The following PDE1A variants were observed in gnomAD, a reference collection of about 807,000 sequenced individuals.
PDE1A encodes the protein dual specificity calcium/calmodulin-dependent 3',5'-cyclic nucleotide phosphodiesterase 1A.
A neutral mutation model predicts 61.7 loss-of-function variants in PDE1A; 35 were observed. That is an observed-to-expected ratio of 0.57 (90% CI 0.43 to 0.75). The LOEUF (loss-of-function observed/expected upper bound fraction) is 0.75. Among genes scored for constraint, PDE1A ranks in the 30% least tolerant of loss-of-function variants. The pLI is 0.00. For missense variants in PDE1A, 597 were observed against 630.6 expected, an observed-to-expected ratio of 0.95 and a Z score of 0.57; for synonymous variants, 232 against 213.2, an observed-to-expected ratio of 1.09 and a Z score of -0.77.
the PDE1A span, among the ~76,000 whole-genome samples, chr2:182,551,578 A>G: frequency 2.6e-5 from 4 of 152,204 alleles, no homozygotes; most frequent in African/African-American, 7.2e-5. Context: ...CCACCACTTC[A>G]GAGGGCTGCA....
In PDE1A at chr2:182,147,825, G is replaced by A. The variant is rs183760134; in HGVS notation, c.1517-673C>T. 2.4e-3 allele frequency among the ~76,000 whole-genome samples: 359 copies of A among 152,286 alleles called. 1 individual carries two copies. Among genetic ancestry groups the A allele is most frequent in the Middle Eastern group, 6.8e-3 (2 of 292 alleles). On this transcript the variant is annotated intron_variant, in intron 13 of 13. Transcript: ENST00000409365. Reference sequence around the variant, plus strand: ...GTCAATTACTTGAAATATCTTGAGAGTTCAGGAAATAGTCATATACAATGA... The same window carrying A: ...GTCAATTACTTGAAATATCTTGAGAATTCAGGAAATAGTCATATACAATGA...
rs549513954 is a variant in PDE1A, at chr2:182,193,515, T to C, written c.1126-4455A>G. Among the ~76,000 whole-genome samples the C allele has an allele frequency of 7.2e-5, 11 of 152,126 alleles. No individual in the cohort carries two copies. The South Asian group carries it at 1.9e-3, about 26-fold the overall frequency. ...GAAATCTGAGAGACCACTGGTTCTA[T>C]AGAGAATTTGATTGGGAGAGGAGAG... is the stretch of plus-strand genomic sequence containing the variant. On this transcript the variant is annotated intron_variant, in intron 10 of 13. Coordinates refer to ENST00000351439, the Ensembl canonical transcript of PDE1A.
At chr2:182,479,325 T>C (rs138451243) in intron 2 of PDE1A, among the ~76,000 whole-genome samples, 27 of 152,048 alleles carry the variant, frequency 1.8e-4, no homozygotes, top group Non-Finnish European at 2.9e-4. Context: ...ACCCAAAAGA[T>C]AGTTATGTTG....
chr2:182,507,504 G>A (rs1689487813), intron 2 of PDE1A, among the ~76,000 whole-genome samples: 1 of 152,088 alleles, frequency 6.6e-6, no homozygotes, highest in Non-Finnish European at 1.5e-5. Flanking sequence ...GAGGGTTCCA[G>A]AGAGCTTAAA....
At chr2:182,573,112 C>T in the PDE1A span, among the ~76,000 whole-genome samples, 2 of 152,054 alleles carry the variant, frequency 1.3e-5, no homozygotes, top group East Asian at 1.9e-4. Flanking sequence ...GGCTCTGCCT[C>T]GCACGTTATT....
intron 7 of PDE1A, among the ~76,000 whole-genome samples, chr2:182,223,635 T>C (rs1688909910): frequency 6.6e-6 from 1 of 151,934 alleles, no homozygotes; most frequent in South Asian, 2.1e-4. Context: ...TCTTAAACAT[T>C]TTCATGTTCT....
chr2:182,260,847 G>A (rs566496367), intron 2 of PDE1A, among the ~76,000 whole-genome samples: 2 of 152,216 alleles, frequency 1.3e-5, no homozygotes, highest in African/African-American at 4.8e-5. Flanking sequence ...TTAGAAAAGG[G>A]ATGAGGATGA....
intron 1 of PDE1A, among the ~76,000 whole-genome samples, chr2:182,316,506 T>C (rs1037758618): frequency 2.6e-5 from 4 of 152,170 alleles, no homozygotes; most frequent in African/African-American, 4.8e-5. Context: ...TCTAAAGTAC[T>C]TCACATTCTA....
chr2:182,405,717 G>A (rs927794183), intron 1 of PDE1A, among the ~76,000 whole-genome samples: 1 of 152,072 alleles, frequency 6.6e-6, no homozygotes, highest in South Asian at 2.1e-4. Context: ...GCATAGCATA[G>A]TAACTGTAGT....
At chr2:182,656,490 A>G in the PDE1A span, among the ~76,000 whole-genome samples, 1 of 152,176 alleles carries the variant, frequency 6.6e-6, no homozygotes, top group Non-Finnish European at 1.5e-5. Flanking sequence ...ACTTAGCTAT[A>G]CTGGATGAGG....
downstream of PDE1A, among the ~76,000 whole-genome samples, chr2:182,143,487 TA>T (rs1311330259): frequency 6.6e-6 from 1 of 152,042 alleles, no homozygotes; most frequent in Non-Finnish European, 1.5e-5. Flanking sequence ...TTTCTTTTTT[TA>T]AAAAATTTTA....
chr2:182,552,399 C>T, the PDE1A span, among the ~76,000 whole-genome samples: 2 of 150,972 alleles, frequency 1.3e-5, no homozygotes, highest in South Asian at 4.2e-4. Context: ...GTACTGGGAA[C>T]TGCAGTAGGC....
At chr2:182,401,450 G>T (rs535782583) in intron 1 of PDE1A, among the ~76,000 whole-genome samples, 1 of 152,174 alleles carries the variant, frequency 6.6e-6, no homozygotes, top group Non-Finnish European at 1.5e-5. Flanking sequence ...ATGCAGAAAA[G>T]GCCTTCAATA....
chr2:182,454,528 G>A (rs899733909), intron 2 of PDE1A, among the ~76,000 whole-genome samples: 6 of 151,928 alleles, frequency 3.9e-5, no homozygotes, highest in East Asian at 1.9e-4. Flanking sequence ...ATACAACAAG[G>A]CTACAGTAAC....
intron 2 of PDE1A, among the ~76,000 whole-genome samples, chr2:182,433,045 T>C (rs575207927): frequency 2.0e-5 from 3 of 152,194 alleles, no homozygotes; most frequent in African/African-American, 7.2e-5. Flanking sequence ...ATTAAACCTT[T>C]GGCATCTGTC....
intron 2 of PDE1A, among the ~76,000 whole-genome samples, chr2:182,462,318 G>C (rs911868827): frequency 6.7e-6 from 1 of 150,168 alleles, no homozygotes; most frequent in African/African-American, 2.5e-5. Flanking sequence ...AAAAAGAATA[G>C]ACATATAAAA....
chr2:182,653,582 T>C, the PDE1A span, among the ~76,000 whole-genome samples: 1 of 152,198 alleles, frequency 6.6e-6, no homozygotes, highest in Non-Finnish European at 1.5e-5. Context: ...GAAACCCCGT[T>C]ATCAAGGAAG....
intron 1 of PDE1A, among the ~76,000 whole-genome samples, chr2:182,264,853 A>ATAAAGAAAATGTGGTAT (rs1281067506): frequency 1.2e-4 from 15 of 129,284 alleles, no homozygotes; most frequent in African/African-American, 3.5e-4. Flanking sequence ...CAATGAGTGG[A>ATAAAGAAAATGTGGTAT]TAAAGAAAAT....
intron 2 of PDE1A, chr2:182,242,135 G>A (rs1480865172): frequency 8.6e-7 from 1 of 1,161,520 alleles, no homozygotes; most frequent in Non-Finnish European, 1.1e-6. Flanking sequence ...AATCTCCTTA[G>A]AATGACAGAA....
Sources: gnomAD v4.1 joint callset for allele counts (sites outside exome capture counted in the v4.1 genomes callset) on GRCh38, gnomAD v4.1.1 for gene constraint, MANE v1.5 for transcripts, NCBI Gene and HGNC (gene_info 2026-07-23, HGNC 2026-07-21) for gene names.